Variants in FGF12 observed in about 807,000 individuals in gnomAD.
The protein encoded by FGF12 is fibroblast growth factor 12.
In FGF12, 14 loss-of-function variants were observed where a neutral mutation model predicts 23.6. The ratio of observed to expected loss-of-function variants is 0.59; its 90% CI spans 0.39 to 0.93. FGF12 has a LOEUF of 0.93. FGF12 is among the 40% of genes least tolerant of loss of function. The pLI is 0.00. For missense variants in FGF12, 175 were observed against 217.8 expected, an observed-to-expected ratio of 0.80 and a Z score of 1.24; for synonymous variants, 62 against 77.3, an observed-to-expected ratio of 0.80 and a Z score of 1.04.
chr3:192,670,306 TTA>T (rs1042626723), intron 2 of FGF12, among the ~76,000 whole-genome samples: 13 of 152,272 alleles, frequency 8.5e-5, no homozygotes, highest in African/African-American at 3.1e-4. Flanking sequence ...TGTAATAATT[TTA>T]GTTACTTATT....
At chr3:192,559,585 T>G (rs1175889427) in intron 2 of FGF12, among the ~76,000 whole-genome samples, 1 of 152,058 alleles carries the variant, frequency 6.6e-6, no homozygotes, top group East Asian at 1.9e-4. Context: ...ATGTGTCATA[T>G]GTATACATAT....
At chr3:192,551,806 AAGCATAC>A (rs1711539575) in intron 2 of FGF12, among the ~76,000 whole-genome samples, 2 of 152,190 alleles carry the variant, frequency 1.3e-5, no homozygotes, top group African/African-American at 4.8e-5. Context: ...TCATAATGTC[AAGCATAC>A]AGTCAAATAT....
chr3:192,655,944 A>G (rs1716395028), intron 2 of FGF12, among the ~76,000 whole-genome samples: 1 of 150,816 alleles, frequency 6.6e-6, no homozygotes, highest in African/African-American at 2.4e-5. Context: ...GCTGTTTGGG[A>G]CTGGAGGGGA....
At chr3:192,454,646 C>T (rs1255735336) in intron 2 of FGF12, among the ~76,000 whole-genome samples, 1 of 152,234 alleles carries the variant, frequency 6.6e-6, no homozygotes, top group South Asian at 2.1e-4. Context: ...CAAAGGCATA[C>T]TTCTCAGACT....
At chr3:192,328,654 A>G (rs1204973120) in intron 4 of FGF12, among the ~76,000 whole-genome samples, 2 of 152,202 alleles carry the variant, frequency 1.3e-5, no homozygotes, top group Non-Finnish European at 2.9e-5. Context: ...GAAAGTTATC[A>G]ATCTAAAGAT....
Position 192,220,202 on chromosome 3 carries a change from T to A in FGF12, c.229-49546A>T, listed in dbSNP as rs1718398186. On this transcript the variant is annotated intron_variant, in intron 4 of 5. Coordinates refer to ENST00000445105, the MANE Select transcript of FGF12 (RefSeq NM_004113.6). ...GAATGCAAGCCAAGTCATAAACTCA[T>A]TCAGTTTAGAATTCTTCAGTGACTT... is the stretch of plus-strand genomic sequence containing the variant. Among the ~76,000 whole-genome samples, 2 of 152,104 alleles carry A rather than the reference T, an allele frequency of 1.3e-5. 1 individual carries two copies. The highest frequency in any genetic ancestry group is 2.9e-5 in the Non-Finnish European group (2 of 68,026).
At position 192,409,805 on chromosome 3, in the gene FGF12, A is replaced by C. The variant is rs1721130821; in HGVS notation, c.14-49267T>G. Among the ~76,000 whole-genome samples the C allele has an allele frequency of 6.6e-6, 1 of 151,894 alleles. No homozygotes were observed. Among genetic ancestry groups the C allele is most frequent in the East Asian group, 1.9e-4 (1 of 5,138 alleles). ...CCGGGCGCTTGGGGCCGGAGGCGGA[A>C]TCAGGGGCCGGGGCCAGGAGGCAGG... On this transcript the variant is annotated intron_variant, in intron 2 of 5. Coordinates refer to ENST00000445105, the MANE Select transcript of FGF12 (RefSeq NM_004113.6). The surrounding 1 kb of genome is among the most constrained non-coding windows in gnomAD (Gnocchi z 4.8).
At chr3:192,559,743 G>A (rs1345971426) in intron 2 of FGF12, among the ~76,000 whole-genome samples, 3 of 151,954 alleles carry the variant, frequency 2.0e-5, no homozygotes, top group African/African-American at 7.2e-5. Context: ...TGGAGGTTGT[G>A]TCTGTCTGGG....
Position 192,336,053 on chromosome 3 carries a change from A to ATGAT in FGF12, c.125-593_125-590dup, listed in dbSNP as rs566692211. Among the ~76,000 whole-genome samples the ATGAT allele has an allele frequency of 2.4e-4, 36 of 151,874 alleles. No homozygotes were observed. The East Asian group carries it at 6.0e-3, about 25-fold the overall frequency. On this transcript the variant is annotated intron_variant, in intron 3 of 5. Transcript: ENST00000445105. The surrounding 1 kb of genome is among the most constrained non-coding windows in gnomAD (Gnocchi z 4.3). ...TAAACAGAGATAAACAGATGGACAG[A>ATGAT]TGATTGATAGATAGCTTAAGCTGTA...
chr3:192,551,477 A>G (rs1711526765), intron 2 of FGF12, among the ~76,000 whole-genome samples: 1 of 152,224 alleles, frequency 6.6e-6, no homozygotes, highest in Non-Finnish European at 1.5e-5. Flanking sequence ...GCAGTGACAA[A>G]TCCTTCAGTG....
intron 2 of FGF12, among the ~76,000 whole-genome samples, chr3:192,458,123 A>ATT (rs1447774417): frequency 1.3e-5 from 2 of 152,278 alleles, no homozygotes; most frequent in Non-Finnish European, 1.5e-5. Flanking sequence ...ATGTATGGAA[A>ATT]CGCCTGGATG....
intron 2 of FGF12, among the ~76,000 whole-genome samples, chr3:192,465,106 T>C (rs1168064921): frequency 6.6e-6 from 1 of 152,176 alleles, no homozygotes; most frequent in Non-Finnish European, 1.5e-5. Context: ...GCATCTAAAT[T>C]GGGGCAGATT....
chr3:192,627,532 C>T (rs1344257517), intron 2 of FGF12, among the ~76,000 whole-genome samples: 1 of 152,074 alleles, frequency 6.6e-6, no homozygotes, highest in Admixed American at 6.6e-5. Context: ...TTTCTACTCC[C>T]ATCAGTACAG....
At chr3:192,232,696 T>A (rs1719086251) in intron 4 of FGF12, among the ~76,000 whole-genome samples, 1 of 152,042 alleles carries the variant, frequency 6.6e-6, no homozygotes, top group Admixed American at 6.6e-5. Flanking sequence ...ACTCTCGCCC[T>A]CCTCCTACCC....
intron 2 of FGF12, among the ~76,000 whole-genome samples, chr3:192,361,064 C>T (rs1046860912): frequency 8.7e-5 from 13 of 149,232 alleles, no homozygotes; most frequent in Admixed American, 1.4e-4. Flanking sequence ...AAAACTTCCA[C>T]GGCCATGAGA....
rs778868541 is a variant in FGF12 at position 192,434,752 on chromosome 3, G to A, written c.14-74214C>T. On this transcript the variant is annotated intron_variant, in intron 2 of 5. Coordinates refer to ENST00000445105, the MANE Select transcript of FGF12 (RefSeq NM_004113.6). The stretch of plus-strand genomic sequence containing the variant: ...GCTACTCGAAATACAGTTTGACTCT[G>A]TCGTGGTTGCAAAGCCAATCTCAAA... Among the ~76,000 whole-genome samples the A allele has an allele frequency of 9.2e-5, 14 of 152,154 alleles. 1 individual carries two copies. The highest frequency in any genetic ancestry group is 6.8e-3 in the Middle Eastern group (2 of 294).
At chr3:192,569,697 C>G (rs1712506164) in intron 2 of FGF12, among the ~76,000 whole-genome samples, 2 of 152,186 alleles carry the variant, frequency 1.3e-5, no homozygotes, top group Admixed American at 1.3e-4. Flanking sequence ...TAGTCATAGT[C>G]ACACAACTGG....
chr3:192,707,147 T>C (rs1718496868), intron 2 of FGF12, among the ~76,000 whole-genome samples: 1 of 152,200 alleles, frequency 6.6e-6, no homozygotes, highest in African/African-American at 2.4e-5. Context: ...AATCCCAGGT[T>C]ATCTTCAACA....
intron 4 of FGF12, among the ~76,000 whole-genome samples, chr3:192,316,719 T>C (rs1716244305): frequency 1.3e-5 from 2 of 152,158 alleles, no homozygotes; most frequent in South Asian, 2.1e-4. Context: ...GGCTGGGCTC[T>C]GAGTGGACTT....
Sources: gnomAD v4.1 joint callset for allele counts (sites outside exome capture counted in the v4.1 genomes callset) on GRCh38, gnomAD v4.1.1 for gene constraint, Gnocchi (gnomAD v3.1) non-coding constraint, MANE v1.5 for transcripts, NCBI Gene and HGNC (gene_info 2026-07-23, HGNC 2026-07-21) for gene names.